ELAVL4: variants seen among roughly 807,000 people sequenced by gnomAD.
The protein encoded by ELAVL4 is ELAV like RNA binding protein 4.
A neutral mutation model predicts 35.6 loss-of-function variants in ELAVL4; 1 was observed. That is an observed-to-expected ratio of 0.03 (90% CI 0.01 to 0.13). The LOEUF is 0.13. Ranked by LOEUF, ELAVL4 falls within the 10% of genes least tolerant of loss-of-function variation. ELAVL4 has a pLI of 1.00. For missense variants in ELAVL4, 267 were observed against 464.9 expected, an observed-to-expected ratio of 0.57 and a Z score of 3.91; for synonymous variants, 156 against 171.0, an observed-to-expected ratio of 0.91 and a Z score of 0.69.
At chr1:50,122,947 A>G (rs1177071577) in intron 1 of ELAVL4, among the ~76,000 whole-genome samples, 1 of 151,990 alleles carries the variant, frequency 6.6e-6, no homozygotes, top group Non-Finnish European at 1.5e-5. Context: ...GAGACTTACT[A>G]TTTGGTAGTC....
chr1:50,146,273 C>T (rs969886944), intron 2 of ELAVL4, among the ~76,000 whole-genome samples: 1 of 151,762 alleles, frequency 6.6e-6, no homozygotes, highest in African/African-American at 2.4e-5. Flanking sequence ...CTTCTGTTCT[C>T]ATAATTCACA....
At chr1:50,163,838 CCAAA>C (rs1677238358) in intron 2 of ELAVL4, among the ~76,000 whole-genome samples, 1 of 151,904 alleles carries the variant, frequency 6.6e-6, no homozygotes, top group Admixed American at 6.6e-5. Context: ...AAGAAACAAC[CCAAA>C]CAAACAACCG....
chr1:50,099,857 C>T (rs1665890525), upstream of ELAVL4, among the ~76,000 whole-genome samples: 1 of 152,112 alleles, frequency 6.6e-6, no homozygotes, highest in South Asian at 2.1e-4. Flanking sequence ...CCTCATAGGA[C>T]CAAGGTTCTG....
At chr1:50,109,784 A>C in intron 1 of ELAVL4, 1 of 808,792 alleles carries the variant, frequency 1.2e-6, no homozygotes, top group South Asian at 1.6e-5. Flanking sequence ...CCTCATAAAA[A>C]AGAGGAGGCG....
chr1:50,139,930 G>T (rs948893437), intron 1 of ELAVL4, among the ~76,000 whole-genome samples: 4 of 152,276 alleles, frequency 2.6e-5, no homozygotes, highest in Non-Finnish European at 2.9e-5. Context: ...CGACATTTAC[G>T]ATGACAGGAT....
At chr1:50,162,063 T>C (rs1226880966) in intron 2 of ELAVL4, among the ~76,000 whole-genome samples, 4 of 152,234 alleles carry the variant, frequency 2.6e-5, no homozygotes, top group African/African-American at 4.8e-5. Flanking sequence ...AAGGCCTGTA[T>C]GGGCTTTGGA....
intron 3 of ELAVL4, among the ~76,000 whole-genome samples, chr1:50,189,628 G>T (rs189118215): frequency 9.6e-4 from 146 of 152,186 alleles, no homozygotes; most frequent in Middle Eastern, 6.8e-3. Context: ...TTTTTTGGGG[G>T]TTTTTTTCCG....
chr1:50,145,340 T>C, intron 2 of ELAVL4, 143 bp downstream of exon 2: 2 of 1,261,434 alleles, frequency 1.6e-6, no homozygotes, highest in South Asian at 2.9e-5. Context: ...AAACTCACAC[T>C]ACATACACCA....
At chr1:50,144,666 T>A in intron 1 of ELAVL4, 1 of 578,758 alleles carries the variant, frequency 1.7e-6, no homozygotes, top group Non-Finnish European at 3.2e-6. Context: ...TTTCTGAGAG[T>A]GATTGTGTAA....
chr1:50,184,544 G>T (rs1195421893), intron 3 of ELAVL4, among the ~76,000 whole-genome samples: 1 of 152,160 alleles, frequency 6.6e-6, no homozygotes. Flanking sequence ...TATTTTAAAA[G>T]ATTGTCTAAA....
chr1:50,065,327 A>G (rs1016663440), intron 1 of ELAVL4, among the ~76,000 whole-genome samples: 3 of 152,222 alleles, frequency 2.0e-5, no homozygotes, highest in African/African-American at 7.2e-5. Context: ...AAGACTGGGA[A>G]AAGTTCCTAT....
intron 1 of ELAVL4, among the ~76,000 whole-genome samples, chr1:50,081,342 G>A (rs1006639547): frequency 2.6e-5 from 4 of 152,236 alleles, no homozygotes; most frequent in African/African-American, 9.6e-5. Flanking sequence ...GTTATGAACA[G>A]CACATGGAGA....
At chr1:50,127,940 A>G (rs1173027037) in intron 1 of ELAVL4, among the ~76,000 whole-genome samples, 1 of 152,184 alleles carries the variant, frequency 6.6e-6, no homozygotes, top group Non-Finnish European at 1.5e-5. Flanking sequence ...AAGAAATAAC[A>G]TGCCAGGCGT....
chr1:50,110,486 C>G (rs1332647162), intron 1 of ELAVL4, among the ~76,000 whole-genome samples: 2 of 152,242 alleles, frequency 1.3e-5, no homozygotes, highest in Middle Eastern at 3.4e-3. Context: ...AGTAGTAAAT[C>G]TATTTTTAGC....
At chr1:50,153,660 G>C (rs1042861346) in intron 2 of ELAVL4, among the ~76,000 whole-genome samples, 1 of 152,196 alleles carries the variant, frequency 6.6e-6, no homozygotes, top group African/African-American at 2.4e-5. Context: ...ATGCAGAGGA[G>C]GCAGCTGAGC....
intron 1 of ELAVL4, among the ~76,000 whole-genome samples, chr1:50,128,983 G>A (rs1330647827): frequency 6.6e-6 from 1 of 152,068 alleles, no homozygotes; most frequent in African/African-American, 2.4e-5. Flanking sequence ...TGATGGCAAG[G>A]GAAGACACCA....
At chr1:50,049,404 T>C (rs1000770820) in intron 1 of ELAVL4, among the ~76,000 whole-genome samples, 1 of 152,212 alleles carries the variant, frequency 6.6e-6, no homozygotes, top group Admixed American at 6.5e-5. Context: ...TGGAACTCCA[T>C]TCATGAGGGA....
intron 6 of ELAVL4, among the ~76,000 whole-genome samples, chr1:50,199,551 C>CA (rs943421930): frequency 1.5e-4 from 23 of 151,894 alleles, no homozygotes; most frequent in Non-Finnish European, 1.2e-4. Flanking sequence ...ACTAAAAATA[C>CA]AAAAAAATTA....
intron 2 of ELAVL4, among the ~76,000 whole-genome samples, chr1:50,171,090 A>G (rs1471658047): frequency 6.6e-6 from 1 of 152,212 alleles, no homozygotes; most frequent in Non-Finnish European, 1.5e-5. Context: ...AATGACCAAA[A>G]GAAAATAAAT....
Sources: gnomAD v4.1 joint callset for allele counts (sites outside exome capture counted in the v4.1 genomes callset) on GRCh38, gnomAD v4.1.1 for gene constraint, MANE v1.5 for transcripts, NCBI Gene and HGNC (gene_info 2026-07-23, HGNC 2026-07-21) for gene names.